KCNB2: variants seen among roughly 807,000 people sequenced by gnomAD.
The protein encoded by KCNB2 is potassium voltage-gated channel subfamily B member 2.
Under a neutral mutation model 61.5 loss-of-function variants are expected in KCNB2, and 15 were observed. That is an observed-to-expected ratio of 0.24 (90% CI 0.16 to 0.38). KCNB2 has a LOEUF of 0.38. Ranked by LOEUF, KCNB2 falls within the 10% of genes least tolerant of loss-of-function variation. KCNB2 has a pLI of 1.00. For missense variants in KCNB2, 828 were observed against 1,125.2 expected (o/e 0.74, Z 3.78); for synonymous variants, 457 against 446.0 (o/e 1.02, Z -0.31).
At chr8:72,727,164 C>T (rs1162291824) in intron 2 of KCNB2, among the ~76,000 whole-genome samples, 6 of 151,912 alleles carry the variant, frequency 3.9e-5, no homozygotes, top group South Asian at 2.1e-4. Context: ...GAAATTGAAA[C>T]GAAATGAAGA....
intron 2 of KCNB2, among the ~76,000 whole-genome samples, chr8:72,783,017 C>T (rs1808788215): frequency 6.6e-6 from 1 of 152,066 alleles, no homozygotes; most frequent in Non-Finnish European, 1.5e-5. Context: ...TAAAGTTTAC[C>T]TTCTGCAACA....
rs550724424 is a variant in KCNB2 at position 72,920,479 on chromosome 8, A to C, written c.580-15456A>C. ...TATCTATCTATCTATCTATCTATAT[A>C]TATATATATTAGCTGGCCATGGTGG... On this transcript the variant is annotated intron_variant, in intron 2 of 2. Coordinates refer to ENST00000523207, the MANE Select transcript of KCNB2 (RefSeq NM_004770.3). Among the ~76,000 whole-genome samples the C allele has an allele frequency of 6.5e-3, 324 of 49,858 alleles. 32 individuals carry two copies. The highest frequency in any genetic ancestry group is 0.017 in the African/African-American group (308 of 18,026). 32.7% of individuals were successfully genotyped at this position (49,858 alleles called of 152,430 possible). A position where few individuals can be genotyped will look rare whatever the true frequency, so the allele number is the denominator to read the frequency against.
chr8:72,693,443 C>T (rs1806970490), intron 2 of KCNB2, among the ~76,000 whole-genome samples: 1 of 152,084 alleles, frequency 6.6e-6, no homozygotes, highest in Non-Finnish European at 1.5e-5. Context: ...TTCTCAGGGG[C>T]TTGAGAGACT....
intron 2 of KCNB2, among the ~76,000 whole-genome samples, chr8:72,771,782 C>G (rs1469109868): frequency 1.3e-5 from 2 of 152,052 alleles, no homozygotes; most frequent in African/African-American, 4.8e-5. Flanking sequence ...CTGGAAAGAG[C>G]AGACCTTTTG....
At chr8:72,869,977 T>A (rs763636047) in intron 2 of KCNB2, among the ~76,000 whole-genome samples, 18 of 152,148 alleles carry the variant, frequency 1.2e-4, no homozygotes, top group Non-Finnish European at 2.2e-4. Context: ...AAAGAAAACA[T>A]GCTATATACA....
chr8:72,913,372 TC>T (rs1402983074), intron 2 of KCNB2, among the ~76,000 whole-genome samples: 5 of 152,348 alleles, frequency 3.3e-5, no homozygotes, highest in South Asian at 4.1e-4. Flanking sequence ...TACAGAGTCT[TC>T]CCTTCAGGAG....
chr8:72,818,162 C>G (rs1310544978), intron 2 of KCNB2, among the ~76,000 whole-genome samples: 2 of 151,968 alleles, frequency 1.3e-5, no homozygotes, highest in East Asian at 3.9e-4. Flanking sequence ...GAAATTTATC[C>G]TCCAACAACA....
chr8:72,885,288 A>G (rs1379063427), intron 2 of KCNB2, among the ~76,000 whole-genome samples: 1 of 152,088 alleles, frequency 6.6e-6, no homozygotes, highest in Non-Finnish European at 1.5e-5. Flanking sequence ...ACTTTATTGT[A>G]CTTTCTTGTT....
At chr8:72,576,608 A>G (rs1160778914) in intron 2 of KCNB2, among the ~76,000 whole-genome samples, 4 of 152,228 alleles carry the variant, frequency 2.6e-5, no homozygotes, top group Non-Finnish European at 5.9e-5. Context: ...GCAGCAGGAC[A>G]GAGAAAGATG....
intron 2 of KCNB2, among the ~76,000 whole-genome samples, chr8:72,585,378 A>G (rs184496857): frequency 2.6e-5 from 4 of 152,290 alleles, no homozygotes; most frequent in African/African-American, 9.6e-5. Flanking sequence ...TTCTGTGAAT[A>G]TATGTTCATT....
At chr8:72,588,934 A>T (rs964695322) in intron 2 of KCNB2, among the ~76,000 whole-genome samples, 11 of 151,950 alleles carry the variant, frequency 7.2e-5, no homozygotes, top group African/African-American at 2.7e-4. Flanking sequence ...AAAAAGAAAC[A>T]TGCCCTGAGT....
chr8:72,593,125 T>C (rs1322190828), intron 2 of KCNB2, among the ~76,000 whole-genome samples: 1 of 152,162 alleles, frequency 6.6e-6, no homozygotes, highest in Non-Finnish European at 1.5e-5. Context: ...TAGTCAGTGG[T>C]TGTAATGTAA....
intron 2 of KCNB2, among the ~76,000 whole-genome samples, chr8:72,853,439 A>G (rs1306444417): frequency 6.6e-6 from 1 of 152,198 alleles, no homozygotes; most frequent in East Asian, 1.9e-4. Context: ...CCCTTGCACC[A>G]TCCTACTTTC....
At chr8:72,838,206 C>T (rs535732698) in intron 2 of KCNB2, among the ~76,000 whole-genome samples, 1 of 152,228 alleles carries the variant, frequency 6.6e-6, no homozygotes, top group African/African-American at 2.4e-5. Context: ...TGTTGGTTTG[C>T]TGCACCCATC....
At chr8:72,600,613 A>G (rs1807282319) in intron 2 of KCNB2, among the ~76,000 whole-genome samples, 1 of 151,970 alleles carries the variant, frequency 6.6e-6, no homozygotes, top group South Asian at 2.1e-4. Context: ...ATTTAAAAAA[A>G]AAAGAAAATG....
At chr8:72,838,881 G>A (rs1009464077) in intron 2 of KCNB2, among the ~76,000 whole-genome samples, 1 of 152,142 alleles carries the variant, frequency 6.6e-6, no homozygotes, top group Non-Finnish European at 1.5e-5. Context: ...TATTGAATGA[G>A]CAAGACAATC....
At chr8:72,834,198 T>C (rs577762877) in intron 2 of KCNB2, among the ~76,000 whole-genome samples, 1 of 152,314 alleles carries the variant, frequency 6.6e-6, no homozygotes, top group Admixed American at 6.5e-5. Context: ...GTTTCCTTAG[T>C]GTCCTTAACT....
At chr8:72,922,872 G>A (rs934908675) in intron 2 of KCNB2, among the ~76,000 whole-genome samples, 1 of 152,212 alleles carries the variant, frequency 6.6e-6, no homozygotes, top group South Asian at 2.1e-4. Context: ...CCATGGCACA[G>A]CCTCAGGAGG....
rs77171772 is a variant in KCNB2 at position 72,848,972 on chromosome 8, C to G, written c.580-86963C>G. On this transcript the variant is annotated intron_variant, in intron 2 of 2. Transcript: ENST00000523207. ...TATTACACTTTTTAAACTTTTATATCTAATATTCTTTTTATTTTTAAGTAT... is the reference window on the plus strand; with the variant it reads ...TATTACACTTTTTAAACTTTTATATGTAATATTCTTTTTATTTTTAAGTAT... Among the ~76,000 whole-genome samples, 309 of 150,730 alleles carry G rather than the reference C, an allele frequency of 2.1e-3. 3 individuals carry two copies. Among genetic ancestry groups the G allele is most frequent in the African/African-American group, 7.3e-3 (300 of 41,222 alleles).
Sources: gnomAD v4.1 joint callset for allele counts (sites outside exome capture counted in the v4.1 genomes callset) on GRCh38, gnomAD v4.1.1 for gene constraint, MANE v1.5 for transcripts, NCBI Gene and HGNC (gene_info 2026-07-23, HGNC 2026-07-21) for gene names.